The following PDLIM4 variants were observed in gnomAD, a reference collection of about 807,000 sequenced individuals.
PDLIM4 encodes the protein PDZ and LIM domain 4, also known as PDZ and LIM domain protein 4.
A neutral mutation model predicts 31.3 loss-of-function variants in PDLIM4; 19 were observed. The ratio of observed to expected loss-of-function variants is 0.61; its 90% CI spans 0.42 to 0.89. The LOEUF (loss-of-function observed/expected upper bound fraction) is 0.89. PDLIM4 is among the 40% of genes least tolerant of loss of function. PDLIM4 has a pLI of 0.00. For missense variants in PDLIM4, 442 were observed against 461.1 expected (o/e 0.96, Z 0.38); for synonymous variants, 176 against 190.1 (o/e 0.93, Z 0.61).
At chr5:132,259,296 C>T (rs1002498173) in intron 1 of PDLIM4, among the ~76,000 whole-genome samples, 1 of 152,230 alleles carries the variant, frequency 6.6e-6, no homozygotes, top group Non-Finnish European at 1.5e-5. Context: ...CGGCGGCTGA[C>T]GGCTGCAGGC....
rs766802234 is a variant in PDLIM4 at position 132,271,862 on chromosome 5, G to T, written c.742G>T (p.Gly248Cys). ...CAGCAAGCTGGGCGCTCCGCTGAGC[G>T]GCCTGCAGGGGCTGCCCGAGTGCAC... ...TASKLGAPLSGLQGLPECTRC... is the reference protein window; with the variant it reads ...TASKLGAPLSCLQGLPECTRC... The change falls in exon 6 of 7, where the codon GGC becomes TGC. Residue 248 changes from glycine to cysteine, a missense_variant. Transcript: ENST00000253754. 6.2e-7 allele frequency: 1 copy of T among 1,611,154 alleles called. No individual in the cohort carries two copies. The highest frequency in any genetic ancestry group is 2.2e-5 in the East Asian group (1 of 44,824).
chr5:132,271,777 G>A lies in PDLIM4; in HGVS notation c.671-14G>A, dbSNP rs752327613. 6 of 1,565,802 alleles carry A rather than the reference G, an allele frequency of 3.8e-6. No individual in the cohort carries two copies. The South Asian group carries it at 6.7e-5, about 17-fold the overall frequency. ...TCCTCACCCCGTTCATGCCACCTAC[G>A]CTCCGGGTTTCAGGGGATTGGCCCG... On this transcript the variant is annotated splice_polypyrimidine_tract_variant and intron_variant, in intron 5 of 6. Transcript: ENST00000253754.
rs549468620 is a variant in PDLIM4, at chr5:132,261,080, C to T, written c.94-1529C>T. ...GGGATGAGAACAGCCTCTGCCTCAC[C>T]AGGTGGTTGAGGGGTTGCTGTGAGC... On this transcript the variant is annotated intron_variant, in intron 1 of 6. Coordinates refer to ENST00000253754, the MANE Select transcript of PDLIM4 (RefSeq NM_003687.4). Among the ~76,000 whole-genome samples, 10 of 152,282 alleles carry T rather than the reference C, an allele frequency of 6.6e-5. 1 individual carries two copies. In the South Asian group the frequency reaches 1.9e-3, roughly 28 times the overall value.
rs569673338 is a variant in PDLIM4, at chr5:132,271,227, C to T, written c.507-76C>T. 161 of 1,514,682 alleles carry T rather than the reference C, an allele frequency of 1.1e-4. 1 individual carries two copies. The East Asian group carries it at 3.4e-3, about 32-fold the overall frequency. The allele number at this position is 1,514,682 out of a possible 1,614,324, so 93.8% of individuals were successfully genotyped here. On this transcript the variant is annotated intron_variant, in intron 4 of 6. Transcript: ENST00000253754. Reference sequence around the variant, plus strand: ...AGCTGGTTGCATTCTGACTCATAAGCCTTACCAGACCCCAAGTCCACAGGG... The same window carrying T: ...AGCTGGTTGCATTCTGACTCATAAGTCTTACCAGACCCCAAGTCCACAGGG...
At position 132,271,818 on chromosome 5, in the gene PDLIM4, G is replaced by A. The variant is rs375520975; in HGVS notation, c.698G>A (p.Arg233Gln). 32 of 1,612,612 alleles carry A rather than the reference G, an allele frequency of 2.0e-5. No homozygotes were observed. Among genetic ancestry groups the A allele is most frequent in the South Asian group, 7.7e-5 (7 of 91,078 alleles). ...GGDWPGPGGP[R>Q]NLKPTASKLG... ...GATTGGCCCGGGCCTGGCGGCCCCC[G>A]GAACCTCAAGCCCACGGCCAGCAAG... The change falls in exon 6 of 7, where the codon CGG becomes CAG. Residue 233 changes from arginine to glutamine, a missense_variant. By Grantham distance (43) the Arg-to-Gln change is conservative. Coordinates refer to ENST00000253754, the MANE Select transcript of PDLIM4 (RefSeq NM_003687.4).
At chr5:132,271,495 G>C (rs777193344) in intron 5 of PDLIM4, 29 bp downstream of exon 5, 1 of 1,604,264 alleles carries the variant, frequency 6.2e-7, no homozygotes, top group South Asian at 1.1e-5. Flanking sequence ...GTCCCCATCT[G>C]CCTTCCCACT....
chr5:132,266,617 C>A, intron 3 of PDLIM4, 72 bp downstream of exon 3: 38 of 955,540 alleles, frequency 4.0e-5, no homozygotes, highest in Non-Finnish European at 5.8e-5. Flanking sequence ...CATGCAGGTT[C>A]ACCTGCACTG....
chr5:132,272,611 T>A lies in PDLIM4; in HGVS notation c.*382T>A, dbSNP rs903739655. 121 of 303,156 alleles carry A rather than the reference T, an allele frequency of 4.0e-4. No individual in the cohort carries two copies. Among genetic ancestry groups the A allele is most frequent in the African/African-American group, 2.5e-3 (118 of 46,592 alleles). The allele number at this position is 303,156 out of a possible 1,614,324, so 18.8% of individuals were successfully genotyped here. A position where few individuals can be genotyped will look rare whatever the true frequency, so the allele number is the denominator to read the frequency against. On this transcript the variant is annotated 3_prime_UTR_variant, in exon 7 of 7. Coordinates refer to ENST00000253754, the MANE Select transcript of PDLIM4 (RefSeq NM_003687.4). ...GTCAGGGAAAGTCTTAGCTGAGAAC[T>A]AAGAGATGAGGGAGGCACAAACTCT...
In PDLIM4 at chr5:132,272,012, T is replaced by C; in HGVS notation, c.789-13T>C. 2 of 1,612,996 alleles carry C rather than the reference T, an allele frequency of 1.2e-6. No individual in the cohort carries two copies. Among genetic ancestry groups the C allele is most frequent in the Non-Finnish European group, 1.7e-6 (2 of 1,178,950 alleles). ...AGTCACTCGACGCTGTCCTGTCTCG[T>C]TCCCCCCATCAGGGGCACCATCGTC... On this transcript the variant is annotated splice_polypyrimidine_tract_variant and intron_variant, in intron 6 of 6. Transcript: ENST00000253754.
intron 3 of PDLIM4, among the ~76,000 whole-genome samples, chr5:132,268,091 G>A (rs1019607409): frequency 6.6e-6 from 1 of 152,128 alleles, no homozygotes; most frequent in East Asian, 1.9e-4. Flanking sequence ...GGCGACTGTA[G>A]AGCAGCTCCC....
intron 2 of PDLIM4, 130 bp from the exon 3 acceptor site, chr5:132,266,334 G>A: frequency 1.6e-6 from 1 of 627,342 alleles, no homozygotes; most frequent in Non-Finnish European, 2.9e-6. Flanking sequence ...TTGTGGTACA[G>A]GGGAAAGCAC....
At chr5:132,268,505 C>T (rs952222323) in intron 3 of PDLIM4, among the ~76,000 whole-genome samples, 12 of 152,302 alleles carry the variant, frequency 7.9e-5, no homozygotes, top group Middle Eastern at 3.4e-3. Flanking sequence ...CCCTGTGGGG[C>T]GATAGGAGAA....
At chr5:132,266,732 C>T in intron 3 of PDLIM4, 187 bp downstream of exon 3, 1 of 481,972 alleles carries the variant, frequency 2.1e-6, no homozygotes, top group South Asian at 3.6e-5. Flanking sequence ...TGATGAGCAC[C>T]TGGTGTGGGC....
intron 1 of PDLIM4, among the ~76,000 whole-genome samples, chr5:132,259,765 C>G (rs775442686): frequency 1.3e-5 from 2 of 152,136 alleles, no homozygotes; most frequent in African/African-American, 4.8e-5. Flanking sequence ...GCTATCGGCC[C>G]GGCAGGGCTG....
In PDLIM4 at chr5:132,258,755, A is replaced by C. The variant is rs142952178; in HGVS notation, c.93+928A>C. On this transcript the variant is annotated intron_variant, in intron 1 of 6. Coordinates refer to ENST00000253754, the MANE Select transcript of PDLIM4 (RefSeq NM_003687.4). ...CCAGGCCCTGCCCTTGGCGGCTCTC[A>C]GTCTGGAAGGAGCAGAGGAGATAAC... Among the ~76,000 whole-genome samples the C allele has an allele frequency of 3.7e-4, 56 of 152,368 alleles. 1 individual carries two copies. In the East Asian group the frequency reaches 0.01, roughly 28 times the overall value.
chr5:132,258,149 A>G (rs953770808), intron 1 of PDLIM4, among the ~76,000 whole-genome samples: 1 of 152,312 alleles, frequency 6.6e-6, no homozygotes, highest in East Asian at 1.9e-4. Context: ...AGACAGCTCT[A>G]CAGAGGCCCA....
rs375776703 is a variant in PDLIM4 at position 132,271,192 on chromosome 5, C to T, written c.506+99C>T. ...CCACTCTGACCCCTGACACTTGATC[C>T]TTGGGTCTTAGCTGGTTGCATTCTG... On this transcript the variant is annotated intron_variant, in intron 4 of 6. Transcript: ENST00000253754. 19 of 1,499,242 alleles carry T rather than the reference C, an allele frequency of 1.3e-5. No individual in the cohort carries two copies. In the African/African-American group the frequency reaches 2.3e-4, roughly 18 times the overall value. The allele number at this position is 1,499,242 out of a possible 1,614,324, so 92.9% of individuals were successfully genotyped here. A position where few individuals can be genotyped will look rare whatever the true frequency, so the allele number is the denominator to read the frequency against.
chr5:132,269,862 AT>A (rs1389261237), intron 3 of PDLIM4, among the ~76,000 whole-genome samples: 1 of 152,198 alleles, frequency 6.6e-6, no homozygotes, highest in Non-Finnish European at 1.5e-5. Context: ...AGTCTCAGCT[AT>A]GGAGGCCACT....
rs554514025 is a variant in PDLIM4, at chr5:132,271,328, C to T, written c.532C>T (p.Arg178Trp). 8 of 1,597,198 alleles carry T rather than the reference C, an allele frequency of 5.0e-6. No individual in the cohort carries two copies. The highest frequency in any genetic ancestry group is 6.8e-6 in the Non-Finnish European group (8 of 1,173,330). Residue 178 changes from arginine to tryptophan, a missense_variant, in exon 5 of 7, where the codon CGG becomes TGG. Physicochemically the swap from Arg to Trp is moderately radical, Grantham distance 101. Transcript: ENST00000253754. ...PSADPARGLP[R>W]SRDCRVDLGS... Reference sequence around the variant, plus strand: ...CGCTGACCCAGCCAGAGGCCTCCCGCGGAGCCGGGACTGCAGAGTCGACCT... The same window carrying T: ...CGCTGACCCAGCCAGAGGCCTCCCGTGGAGCCGGGACTGCAGAGTCGACCT...
Sources: gnomAD v4.1 joint callset for allele counts (sites outside exome capture counted in the v4.1 genomes callset) on GRCh38, gnomAD v4.1.1 for gene constraint, MANE v1.5 for transcripts, NCBI Gene and HGNC (gene_info 2026-07-23, HGNC 2026-07-21) for gene names.